OSBPL1A: variants seen among roughly 807,000 people sequenced by gnomAD.
OSBPL1A encodes the protein oxysterol binding protein like 1A, also known as oxysterol-binding protein-related protein 1.
A neutral mutation model predicts 137.1 loss-of-function variants in OSBPL1A; 80 were observed. The observed-to-expected ratio is 0.58, with a 90% CI of 0.49 to 0.70. The LOEUF (loss-of-function observed/expected upper bound fraction) is 0.70, where lower values mean the gene tolerates loss of function less well. Among genes scored for constraint, OSBPL1A ranks in the 30% least tolerant of loss-of-function variants. OSBPL1A has a pLI of 0.00. For synonymous variants in OSBPL1A, 365 were observed against 389.7 expected (o/e 0.94, Z 0.75); for missense variants, 970 against 1,129.4 (o/e 0.86, Z 2.02).
intron 17 of OSBPL1A, among the ~76,000 whole-genome samples, chr18:24,199,586 A>G (rs958113556): frequency 2.0e-5 from 3 of 152,070 alleles, no homozygotes; most frequent in African/African-American, 7.2e-5. Context: ...ACCAACTGGG[A>G]GTTTAAGTAT....
At chr18:24,308,773 T>C (rs78632817) in intron 13 of OSBPL1A, among the ~76,000 whole-genome samples, 1 of 118,586 alleles carries the variant, frequency 8.4e-6, no homozygotes, top group Non-Finnish European at 2.1e-5. Context: ...AACAACTGAA[T>C]TTTTTTTTTT....
Position 24,162,097 on chromosome 18 carries a change from A to G in OSBPL1A, c.*1082T>C, listed in dbSNP as rs905945712. 6.6e-6 allele frequency: 1 copy of G among 152,298 alleles called. No homozygotes were observed. The highest frequency in any genetic ancestry group is 2.4e-5 in the African/African-American group (1 of 41,476). The allele number at this position is 152,298 out of a possible 1,614,324, so 9.4% of individuals were successfully genotyped here. ...TTAGCATCAGGTAGATTATTTCATT[A>G]TAACACTTGTTAACTTCAAGACAGC... On this transcript the variant is annotated 3_prime_UTR_variant, in exon 28 of 28. Coordinates refer to ENST00000319481, the MANE Select transcript of OSBPL1A (RefSeq NM_080597.4).
At chr18:24,244,389 ATG>A (rs1361867695) in intron 15 of OSBPL1A, among the ~76,000 whole-genome samples, 17 of 152,246 alleles carry the variant, frequency 1.1e-4, no homozygotes, top group Admixed American at 1.1e-3. Flanking sequence ...ATAATTGTAT[ATG>A]TGTTTATACA....
At chr18:24,205,580 C>T (rs754763492) in intron 17 of OSBPL1A, among the ~76,000 whole-genome samples, 1 of 151,970 alleles carries the variant, frequency 6.6e-6, no homozygotes, top group African/African-American at 2.4e-5. Context: ...CAGCCCAGTG[C>T]CTGGTAGGTA....
At chr18:24,267,645 T>C (rs1438873082) in intron 15 of OSBPL1A, among the ~76,000 whole-genome samples, 1 of 152,132 alleles carries the variant, frequency 6.6e-6, no homozygotes, top group African/African-American at 2.4e-5. Context: ...AGTCCAAATA[T>C]ATCATTTACC....
chr18:24,235,412 G>A (rs1263077583), intron 16 of OSBPL1A, among the ~76,000 whole-genome samples: 1 of 116,208 alleles, frequency 8.6e-6, no homozygotes, highest in Non-Finnish European at 1.9e-5. Flanking sequence ...TTTCCCAAGA[G>A]TAGGGGAATG....
At chr18:24,173,740 T>C (rs986035071) in intron 21 of OSBPL1A, among the ~76,000 whole-genome samples, 7 of 152,242 alleles carry the variant, frequency 4.6e-5, no homozygotes, top group Non-Finnish European at 1.5e-5. Context: ...ATATGTGTCT[T>C]TTAATTTACA....
At chr18:24,376,241 C>T (rs937855680) in intron 2 of OSBPL1A, among the ~76,000 whole-genome samples, 4 of 152,130 alleles carry the variant, frequency 2.6e-5, no homozygotes, top group African/African-American at 9.7e-5. Flanking sequence ...GGTACCTTTA[C>T]AATCCCTGAG....
intron 16 of OSBPL1A, among the ~76,000 whole-genome samples, chr18:24,235,289 AGT>A (rs1375546263): frequency 6.6e-6 from 1 of 152,210 alleles, no homozygotes; most frequent in Non-Finnish European, 1.5e-5. Context: ...CTAGCCCCTT[AGT>A]GTGCCTGGCA....
At chr18:24,356,920 C>T (rs1434157498) in intron 4 of OSBPL1A, among the ~76,000 whole-genome samples, 1 of 152,168 alleles carries the variant, frequency 6.6e-6, no homozygotes, top group African/African-American at 2.4e-5. Context: ...TCTGCCACCT[C>T]AGGTACATGG....
intron 24 of OSBPL1A, among the ~76,000 whole-genome samples, chr18:24,168,493 G>T (rs114158291): frequency 1.3e-5 from 2 of 152,256 alleles, no homozygotes; most frequent in East Asian, 3.9e-4. Context: ...CCCTCTCCGC[G>T]GCCCAGCTAT....
rs760059063 is a variant in OSBPL1A, at chr18:24,368,372, C to T, written c.122G>A (p.Gly41Glu). 1.2e-6 allele frequency: 2 copies of T among 1,609,164 alleles called. No individual in the cohort carries two copies. The highest frequency in any genetic ancestry group is 1.7e-6 in the Non-Finnish European group (2 of 1,176,382). Reference sequence around the variant, plus strand: ...CCAGCCCAAGTTAGACTTACTTCTTCCTAAAAATGGAAAAATATAAGGTAT... The same window carrying T: ...CCAGCCCAAGTTAGACTTACTTCTTTCTAAAAATGGAAAAATATAAGGTAT... The part of the protein sequence containing the change: ...NEVIADINCK[G>E]RSKSNLGWTP... The change falls in exon 3 of 28, where the codon GGA (glycine) becomes GAA (glutamate). Residue 41 changes from glycine to glutamate, a missense_variant and splice_region_variant. Gly to Glu is a moderately conservative substitution (Grantham distance 98). Transcript: ENST00000319481.
At chr18:24,243,327 T>C (rs953082083) in intron 15 of OSBPL1A, among the ~76,000 whole-genome samples, 1 of 152,222 alleles carries the variant, frequency 6.6e-6, no homozygotes, top group Admixed American at 6.5e-5. Context: ...TATTTGTAGA[T>C]TCTAAAATCA....
chr18:24,335,022 T>C (rs1008789595), intron 5 of OSBPL1A, among the ~76,000 whole-genome samples: 7 of 152,092 alleles, frequency 4.6e-5, no homozygotes, highest in Admixed American at 3.3e-4. Flanking sequence ...CCCAAGTAGC[T>C]GGGACCACAG....
intron 14 of OSBPL1A, among the ~76,000 whole-genome samples, chr18:24,292,060 G>A (rs990982133): frequency 2.0e-5 from 3 of 152,096 alleles, no homozygotes; most frequent in African/African-American, 7.2e-5. Flanking sequence ...ACTCCAGCCT[G>A]AGCAACAGCA....
chr18:24,308,658 A>G (rs1024256644), intron 13 of OSBPL1A, among the ~76,000 whole-genome samples: 3 of 152,196 alleles, frequency 2.0e-5, no homozygotes, highest in Non-Finnish European at 4.4e-5. Context: ...AGAACTTTCT[A>G]TGATGCTGGA....
At chr18:24,236,829 TA>T (rs2088493863) in intron 16 of OSBPL1A, among the ~76,000 whole-genome samples, 1 of 152,194 alleles carries the variant, frequency 6.6e-6, no homozygotes, top group Non-Finnish European at 1.5e-5. Flanking sequence ...ATCTAGGGAC[TA>T]TGGTTCTTTT....
intron 2 of OSBPL1A, among the ~76,000 whole-genome samples, chr18:24,373,345 C>T (rs1905823292): frequency 6.6e-6 from 1 of 152,214 alleles, no homozygotes; most frequent in African/African-American, 2.4e-5. Context: ...TGTGTTGAGA[C>T]TGCCAATATA....
intron 1 of OSBPL1A, among the ~76,000 whole-genome samples, chr18:24,397,299 T>A (rs147512125): frequency 6.0e-4 from 92 of 152,272 alleles, no homozygotes; most frequent in African/African-American, 2.2e-3. Flanking sequence ...AATTAAAAAG[T>A]CACATGGACA....
Sources: allele counts gnomAD v4.1 joint callset (sites outside exome capture counted in the v4.1 genomes callset), GRCh38; gene constraint gnomAD v4.1.1; transcripts MANE v1.5; gene names NCBI Gene and HGNC (gene_info 2026-07-23, HGNC 2026-07-21).